Variants in AZIN1 observed in about 807,000 individuals in gnomAD.
AZIN1 encodes ornithine decarboxylase antizyme inhibitor.
In AZIN1, 12 loss-of-function variants were observed where a neutral mutation model predicts 47.4. The observed-to-expected ratio is 0.25, with a 90% CI of 0.16 to 0.41. The LOEUF (loss-of-function observed/expected upper bound fraction) is 0.41, where lower values mean the gene tolerates loss of function less well. AZIN1 is among the 10% of genes least tolerant of loss of function. The pLI is 1.00. For missense variants in AZIN1, 410 were observed against 532.4 expected (o/e 0.77, Z 2.26); for synonymous variants, 155 against 176.3 (o/e 0.88, Z 0.96).
chr8:102,834,605 TCTTTAA>T, intron 7 of AZIN1, 55 bp downstream of exon 7: 1 of 1,309,130 alleles, frequency 7.6e-7, no homozygotes, highest in Non-Finnish European at 1.1e-6. Flanking sequence ...AAATACTTAG[TCTTTAA>T]CTTAACATCC....
chr8:102,850,526 G>A (rs1812853816), intron 2 of AZIN1, among the ~76,000 whole-genome samples: 1 of 152,156 alleles, frequency 6.6e-6, no homozygotes, highest in South Asian at 2.1e-4. Flanking sequence ...GTGAGACCTT[G>A]AGTAGGTCTG....
rs200238843 is a variant in AZIN1 at position 102,828,554 on chromosome 8, C to A, written c.*13G>T. 2.6e-6 allele frequency: 4 copies of A among 1,553,928 alleles called. No individual in the cohort carries two copies. The highest frequency in any genetic ancestry group is 3.5e-6 in the Non-Finnish European group (4 of 1,132,270). On this transcript the variant is annotated 3_prime_UTR_variant, in exon 12 of 12. Transcript: ENST00000337198. ...ACCTGCAACTTCAGATCTAAAGAAG[C>A]GTTAATGCCTGTTTAAGCTTCAGCG...
At chr8:102,856,670 T>C (rs1248980276) in intron 2 of AZIN1, among the ~76,000 whole-genome samples, 2 of 152,230 alleles carry the variant, frequency 1.3e-5, no homozygotes, top group African/African-American at 4.8e-5. Context: ...GATTCACAAC[T>C]ATGATGTTAA....
At position 102,838,726 on chromosome 8, in the gene AZIN1, A is replaced by C; in HGVS notation, c.449+18T>G. 1.3e-6 allele frequency: 2 copies of C among 1,595,530 alleles called. No homozygotes were observed. The highest frequency in any genetic ancestry group is 1.7e-6 in the Non-Finnish European group (2 of 1,168,904). On this transcript the variant is annotated intron_variant, in intron 5 of 11. Transcript: ENST00000337198. ...TAAGTGCTAAATAATATTTTCAAGT[A>C]CTTAATTTTATACTTACTTGGCATT...
chr8:102,851,106 GT>G (rs942741941), intron 2 of AZIN1, among the ~76,000 whole-genome samples: 31 of 152,286 alleles, frequency 2.0e-4, no homozygotes, highest in African/African-American at 7.2e-4. Context: ...AAATGTGTGT[GT>G]ACTAAAGTGT....
Position 102,829,367 on chromosome 8 carries a change from G to A in AZIN1, c.1140C>T (p.Ile380=), listed in dbSNP as rs746979334. 41 of 1,613,976 alleles carry A rather than the reference G, an allele frequency of 2.5e-5. No individual in the cohort carries two copies. Among genetic ancestry groups the A allele is most frequent in the Non-Finnish European group, 3.3e-5 (39 of 1,179,928 alleles). ...LPELNVGDWL[I]FDNMGADSFH... ...AAGAATCTGCTCCCATGTTATCAAA[G>A]ATAAGCCAATCTCCCACATTCAGCT... is the stretch of plus-strand genomic sequence containing the variant. The change falls in exon 11 of 12, where the codon ATC becomes ATT. Residue 380 remains isoleucine (I), a synonymous_variant. Transcript: ENST00000337198.
At chr8:102,833,349 C>G in intron 8 of AZIN1, 131 bp from the exon 9 acceptor site, 1 of 711,266 alleles carries the variant, frequency 1.4e-6, no homozygotes, top group Non-Finnish European at 2.2e-6. Context: ...ACCTTAGCAA[C>G]TTTGTAGTTA....
chr8:102,859,164 T>G (rs1316769299), intron 1 of AZIN1: 4 of 152,152 alleles, frequency 2.6e-5, no homozygotes, highest in Admixed American at 2.6e-4. Context: ...ATGAATGACA[T>G]TTATGGATGA....
At chr8:102,842,048 T>C (rs1017095987) in intron 3 of AZIN1, among the ~76,000 whole-genome samples, 5 of 151,696 alleles carry the variant, frequency 3.3e-5, no homozygotes, top group Non-Finnish European at 7.4e-5. Context: ...GAGGCCGAGG[T>C]TGTAGTGAGT....
At chr8:102,857,985 C>T in intron 2 of AZIN1, 28 bp downstream of exon 2, 1 of 398,868 alleles carries the variant, frequency 2.5e-6, no homozygotes, top group South Asian at 1.3e-4. Flanking sequence ...AAGACCTCCT[C>T]CCCACCAACA....
chr8:102,858,658 A>G (rs1813441329), intron 1 of AZIN1, among the ~76,000 whole-genome samples: 1 of 152,222 alleles, frequency 6.6e-6, no homozygotes, highest in Admixed American at 6.5e-5. Context: ...CACAATACCA[A>G]AAGATTTTAT....
At chr8:102,832,643 A>G (rs946656244) in intron 9 of AZIN1, among the ~76,000 whole-genome samples, 1 of 146,994 alleles carries the variant, frequency 6.8e-6, no homozygotes, top group African/African-American at 2.5e-5. Context: ...TGGCTTTAAG[A>G]TTTTTTTTTT....
intron 1 of AZIN1, among the ~76,000 whole-genome samples, chr8:102,860,070 G>A (rs996535428): frequency 3.3e-5 from 5 of 152,120 alleles, no homozygotes; most frequent in South Asian, 4.1e-4. Context: ...ATGTTTATCC[G>A]GACAGTTAGG....
chr8:102,834,369 G>T, intron 7 of AZIN1, 106 bp from the exon 8 acceptor site: 2 of 871,846 alleles, frequency 2.3e-6, no homozygotes, highest in Non-Finnish European at 3.5e-6. Flanking sequence ...CTGATCTTTA[G>T]TACAGCAAAT....
intron 2 of AZIN1, among the ~76,000 whole-genome samples, chr8:102,845,697 C>A (rs1311967471): frequency 2.0e-5 from 3 of 152,074 alleles, no homozygotes; most frequent in Non-Finnish European, 4.4e-5. Context: ...TAGAAACTTC[C>A]TGTTAAGTTT....
chr8:102,849,694 G>A (rs570195633), intron 2 of AZIN1, among the ~76,000 whole-genome samples: 2 of 152,298 alleles, frequency 1.3e-5, no homozygotes, highest in African/African-American at 4.8e-5. Context: ...ACATACGGTT[G>A]AGAAAGCTCA....
At chr8:102,842,856 G>A (rs1586177820) in intron 3 of AZIN1, among the ~76,000 whole-genome samples, 1 of 151,976 alleles carries the variant, frequency 6.6e-6, no homozygotes, top group South Asian at 2.1e-4. Context: ...ACAGTGAGCT[G>A]AGATCGTGCC....
chr8:102,843,659 C>T lies in AZIN1; in HGVS notation c.-7G>A, dbSNP rs776594228. On this transcript the variant is annotated 5_prime_UTR_variant, in exon 3 of 12. Transcript: ENST00000337198. ...CATCAATAAATCCTTTCATCTCAGC[C>T]GTATTCCACAAAGCCGAAAGTCATA... The T allele has an allele frequency of 1.5e-5, 25 of 1,613,624 alleles. No individual in the cohort carries two copies. In the African/African-American group the frequency reaches 1.7e-4, roughly 11 times the overall value.
chr8:102,858,159 A>C lies in AZIN1; in HGVS notation c.-233-9T>G, dbSNP rs1813407633. The C allele has an allele frequency of 4.3e-5, 17 of 398,844 alleles. No individual in the cohort carries two copies. 24.7% of individuals were successfully genotyped at this position (398,844 alleles called of 1,614,324 possible). On this transcript the variant is annotated splice_polypyrimidine_tract_variant and intron_variant, in intron 1 of 11. Transcript: ENST00000337198. ...TGGTCAGAAAGTTCGCCCTAAAAGA[A>C]GGAAATAAAAGTAGCAGAAGATAGT...
Sources: allele counts gnomAD v4.1 joint callset (sites outside exome capture counted in the v4.1 genomes callset), GRCh38; gene constraint gnomAD v4.1.1; transcripts MANE v1.5; gene names NCBI Gene and HGNC (gene_info 2026-07-23, HGNC 2026-07-21).